The following ADARB2 variants were observed in gnomAD, a reference collection of about 807,000 sequenced individuals.
ADARB2 encodes adenosine deaminase RNA specific B2 (inactive).
ADARB2 carries 25 observed loss-of-function variants against 62.2 expected under a neutral mutation model. The observed-to-expected ratio is 0.40, with a 90% confidence interval of 0.29 to 0.56. The LOEUF is 0.56. Ranked by LOEUF, ADARB2 falls within the 20% of genes least tolerant of loss-of-function variation. The probability of loss-of-function intolerance (pLI) is 0.43; values close to 1 mark genes in which losing one functional copy is unlikely to be tolerated. For synonymous variants in ADARB2, 572 were observed against 500.8 expected (o/e 1.14, Z -1.90); for missense variants, 1,071 against 1,077.4 (o/e 0.99, Z 0.08).
chr10:1,382,192 G>A (rs756108853), intron 1 of ADARB2, among the ~76,000 whole-genome samples: 17 of 152,092 alleles, frequency 1.1e-4, no homozygotes, highest in Non-Finnish European at 2.4e-4. Flanking sequence ...AATGTAACTG[G>A]GCATCCTGTA....
chr10:1,563,609 T>C (rs1323330700), intron 1 of ADARB2, among the ~76,000 whole-genome samples: 1 of 151,156 alleles, frequency 6.6e-6, no homozygotes, highest in Non-Finnish European at 1.5e-5. Context: ...CCTGTCTCTA[T>C]AGGACATTTC....
At chr10:1,502,109 A>G (rs1228916551) in intron 1 of ADARB2, among the ~76,000 whole-genome samples, 1 of 152,214 alleles carries the variant, frequency 6.6e-6, no homozygotes, top group African/African-American at 2.4e-5. Flanking sequence ...GATGCCACAC[A>G]GTGTCCACCT....
chr10:1,676,417 G>T (rs370963590), intron 1 of ADARB2, among the ~76,000 whole-genome samples: 1 of 152,110 alleles, frequency 6.6e-6, no homozygotes, highest in Non-Finnish European at 1.5e-5. Context: ...GTTCATGAAG[G>T]CACCATGTTT....
intron 4 of ADARB2, among the ~76,000 whole-genome samples, chr10:1,250,908 A>C (rs981060100): frequency 7.2e-5 from 11 of 152,188 alleles, no homozygotes; most frequent in African/African-American, 1.9e-4. Context: ...AGGTGGAACA[A>C]AGTGGGGAGT....
intron 6 of ADARB2, among the ~76,000 whole-genome samples, chr10:1,223,393 T>A (rs566164560): frequency 4.5e-4 from 68 of 152,326 alleles, no homozygotes; most frequent in South Asian, 2.1e-4. Context: ...CTTTTTCTAA[T>A]TGAATAACCT....
intron 1 of ADARB2, among the ~76,000 whole-genome samples, chr10:1,658,510 T>G (rs1028480071): frequency 6.6e-6 from 1 of 152,112 alleles, no homozygotes; most frequent in African/African-American, 2.4e-5. Context: ...TCTGTCTCTA[T>G]CTGATTCTGC....
chr10:1,595,093 C>T (rs1171017169), intron 1 of ADARB2, among the ~76,000 whole-genome samples: 1 of 152,166 alleles, frequency 6.6e-6, no homozygotes, highest in African/African-American at 2.4e-5. Flanking sequence ...TGGGGCGTGG[C>T]CTGAATGTCA....
chr10:1,193,791 T>C (rs999111394), intron 8 of ADARB2, among the ~76,000 whole-genome samples: 1 of 152,246 alleles, frequency 6.6e-6, no homozygotes, highest in Admixed American at 6.5e-5. Context: ...TTTTGTCTTC[T>C]GAGAATCAGT....
chr10:1,335,460 G>A (rs1451466943), intron 3 of ADARB2, among the ~76,000 whole-genome samples: 1 of 145,582 alleles, frequency 6.9e-6, no homozygotes, highest in East Asian at 2.1e-4. Context: ...GGGTAAACAG[G>A]GAAGAAGGGT....
chr10:1,399,373 T>G (rs1832642812), intron 1 of ADARB2, among the ~76,000 whole-genome samples: 1 of 152,178 alleles, frequency 6.6e-6, no homozygotes, highest in Admixed American at 6.5e-5. Context: ...GATGAGACCC[T>G]TTTATGGGAC....
chr10:1,374,780 C>T (rs1325783276), intron 2 of ADARB2, among the ~76,000 whole-genome samples: 3 of 152,246 alleles, frequency 2.0e-5, no homozygotes, highest in African/African-American at 7.2e-5. Context: ...GCGGGTCAGA[C>T]GGGCTCCCGG....
At chr10:1,355,043 A>AGG (rs1832181575) in intron 3 of ADARB2, among the ~76,000 whole-genome samples, 1 of 152,010 alleles carries the variant, frequency 6.6e-6, no homozygotes, top group East Asian at 1.9e-4. Context: ...CGAGGCTCCC[A>AGG]TGTGTTCAGG....
rs1414786309 is a variant in ADARB2, at chr10:1,426,696, A to G, written c.101-47536T>C. 6.6e-6 allele frequency among the ~76,000 whole-genome samples: 1 copy of G among 152,142 alleles called. No individual in the cohort carries two copies. The highest frequency in any genetic ancestry group is 1.5e-5 in the Non-Finnish European group (1 of 68,020). On this transcript the variant is annotated intron_variant, in intron 1 of 9. Transcript: ENST00000381312. The surrounding 1 kb of genome is among the most constrained non-coding windows in gnomAD (Gnocchi z 4.1). ...TCGGAGACCAGTGAACCTGCTTGCCACCCTGGGCAAGAGAGCCCAGGGGCT... is the reference window on the plus strand; with the variant it reads ...TCGGAGACCAGTGAACCTGCTTGCCGCCCTGGGCAAGAGAGCCCAGGGGCT...
chr10:1,265,799 G>A (rs1462260088), intron 4 of ADARB2, among the ~76,000 whole-genome samples: 3 of 142,238 alleles, frequency 2.1e-5, no homozygotes, highest in Admixed American at 6.9e-5. Context: ...ACGCTCCCCC[G>A]GAAGACGGCC....
At chr10:1,678,227 C>A in intron 1 of ADARB2, 1 of 984,344 alleles carries the variant, frequency 1.0e-6, no homozygotes, top group Non-Finnish European at 1.2e-6. Context: ...GGGTGAGCGA[C>A]CTCAGGGTGA....
intron 4 of ADARB2, among the ~76,000 whole-genome samples, chr10:1,246,734 A>G (rs1200988378): frequency 1.5e-5 from 2 of 137,044 alleles, no homozygotes; most frequent in East Asian, 4.4e-4. Flanking sequence ...TGTTTTGGTT[A>G]CTGTAGCCTT....
At chr10:1,688,336 A>T (rs973053117) in intron 1 of ADARB2, among the ~76,000 whole-genome samples, 2 of 152,286 alleles carry the variant, frequency 1.3e-5, no homozygotes, top group Admixed American at 1.3e-4. Flanking sequence ...AGAGTTGGGG[A>T]CATCCTCGTT....
intron 1 of ADARB2, among the ~76,000 whole-genome samples, chr10:1,606,815 T>C (rs1588321023): frequency 1.3e-5 from 2 of 152,238 alleles, no homozygotes. Flanking sequence ...CCAGGGCCCA[T>C]TGAGTCAACA....
At chr10:1,558,703 C>T (rs114508128) in intron 1 of ADARB2, among the ~76,000 whole-genome samples, 2,306 of 86,282 alleles carry the variant, frequency 0.027, 467 homozygotes, top group African/African-American at 0.03. Flanking sequence ...CCTCTGCCCC[C>T]TTCTGTGGGT....
Sources: gnomAD v4.1 joint callset for allele counts (sites outside exome capture counted in the v4.1 genomes callset) on GRCh38, gnomAD v4.1.1 for gene constraint, Gnocchi (gnomAD v3.1) non-coding constraint, MANE v1.5 for transcripts, NCBI Gene and HGNC (gene_info 2026-07-23, HGNC 2026-07-21) for gene names.